The following DLG2 variants were observed in gnomAD, a reference collection of about 807,000 sequenced individuals.
DLG2 encodes the protein disks large homolog 2.
A neutral mutation model predicts 132.5 loss-of-function variants in DLG2; 45 were observed. That is an observed-to-expected ratio of 0.34 (90% CI 0.27 to 0.44). The LOEUF (loss-of-function observed/expected upper bound fraction) is 0.44. DLG2 is among the 20% of genes least tolerant of loss of function. DLG2 has a pLI of 1.00. For synonymous variants in DLG2, 424 were observed against 419.6 expected, an observed-to-expected ratio of 1.01 and a Z score of -0.13; for missense variants, 1,045 against 1,196.9, an observed-to-expected ratio of 0.87 and a Z score of 1.87.
At chr11:85,087,563 G>A (rs2068097035) in intron 6 of DLG2, among the ~76,000 whole-genome samples, 1 of 152,204 alleles carries the variant, frequency 6.6e-6, no homozygotes, top group South Asian at 2.1e-4. Context: ...CATGGGCCGG[G>A]CGCGGTGGCT....
chr11:84,161,910 T>C (rs2095555563), intron 9 of DLG2, among the ~76,000 whole-genome samples: 1 of 152,154 alleles, frequency 6.6e-6, no homozygotes, highest in South Asian at 2.1e-4. Context: ...TAGCATACCA[T>C]TAAAATTTTA....
intron 6 of DLG2, among the ~76,000 whole-genome samples, chr11:84,838,742 C>T (rs2080170831): frequency 6.6e-6 from 1 of 152,034 alleles, no homozygotes; most frequent in African/African-American, 2.4e-5. Context: ...AGACAAAAAT[C>T]ACATGATTAT....
At chr11:84,502,768 G>C (rs2099224882) in intron 7 of DLG2, among the ~76,000 whole-genome samples, 1 of 152,038 alleles carries the variant, frequency 6.6e-6, no homozygotes, top group African/African-American at 2.4e-5. Flanking sequence ...TAGGTCTACA[G>C]ATTATCCAGC....
At chr11:83,589,169 A>T (rs1243864623) in intron 19 of DLG2, among the ~76,000 whole-genome samples, 1 of 151,344 alleles carries the variant, frequency 6.6e-6, no homozygotes, top group East Asian at 1.9e-4. Context: ...GAGAAGAGCA[A>T]CTCCAAGACA....
At chr11:85,028,383 T>C (rs930473666) in intron 6 of DLG2, among the ~76,000 whole-genome samples, 2 of 152,108 alleles carry the variant, frequency 1.3e-5, no homozygotes, top group African/African-American at 4.8e-5. Context: ...CTGGCCCCCA[T>C]GCTTCAGGCC....
chr11:84,328,158 T>G (rs2098441849), intron 7 of DLG2, among the ~76,000 whole-genome samples: 1 of 152,034 alleles, frequency 6.6e-6, no homozygotes, highest in Non-Finnish European at 1.5e-5. Flanking sequence ...CACTGCACTG[T>G]TTTATGAGGG....
At chr11:83,897,878 A>T (rs1019850289) in intron 15 of DLG2, among the ~76,000 whole-genome samples, 2 of 152,204 alleles carry the variant, frequency 1.3e-5, no homozygotes, top group African/African-American at 4.8e-5. Flanking sequence ...TGCTTTATAC[A>T]CATTATCTTA....
intron 19 of DLG2, among the ~76,000 whole-genome samples, chr11:83,601,698 C>CT (rs112574269): frequency 0.019 from 2,719 of 144,008 alleles, 70 homozygotes; most frequent in African/African-American, 0.062. Context: ...ATATTTCTTT[C>CT]TTTTTTTTTT....
At chr11:85,489,465 A>C (rs2093507444) in intron 3 of DLG2, among the ~76,000 whole-genome samples, 1 of 152,148 alleles carries the variant, frequency 6.6e-6, no homozygotes, top group Non-Finnish European at 1.5e-5. Context: ...AATAGTGGGG[A>C]CTTCAACACC....
chr11:84,680,777 C>G (rs778634416), intron 6 of DLG2, among the ~76,000 whole-genome samples: 8 of 152,164 alleles, frequency 5.3e-5, no homozygotes, highest in Non-Finnish European at 1.0e-4. Flanking sequence ...AATGTTAACA[C>G]TGTCTTTGCA....
intron 6 of DLG2, among the ~76,000 whole-genome samples, chr11:84,897,129 T>C (rs959600816): frequency 1.6e-5 from 2 of 128,118 alleles, no homozygotes; most frequent in African/African-American, 6.9e-5. Flanking sequence ...TTTGCTTTTC[T>C]TGTACTAGTT....
chr11:84,622,042 G>C (rs949131074), intron 6 of DLG2, among the ~76,000 whole-genome samples: 2 of 152,078 alleles, frequency 1.3e-5, no homozygotes, highest in Non-Finnish European at 2.9e-5. Flanking sequence ...GTTGCGGACC[G>C]CACTTTCCCA....
At chr11:83,766,034 A>G (rs2094127346) in intron 18 of DLG2, among the ~76,000 whole-genome samples, 1 of 151,324 alleles carries the variant, frequency 6.6e-6, no homozygotes, top group African/African-American at 2.4e-5. Context: ...TGCTATTATC[A>G]TATTTTCTTC....
At chr11:85,387,789 G>C (rs2086467043) in intron 3 of DLG2, among the ~76,000 whole-genome samples, 1 of 152,120 alleles carries the variant, frequency 6.6e-6, no homozygotes, top group African/African-American at 2.4e-5. Flanking sequence ...ATCTTTAAAA[G>C]TGGAAAATCT....
intron 3 of DLG2, among the ~76,000 whole-genome samples, chr11:85,308,689 T>C (rs941140950): frequency 4.6e-5 from 7 of 152,152 alleles, no homozygotes; most frequent in African/African-American, 1.4e-4. Flanking sequence ...TAAATTATCT[T>C]CAATTAAACT....
intron 21 of DLG2, among the ~76,000 whole-genome samples, chr11:83,511,045 C>A (rs1360453784): frequency 2.3e-5 from 2 of 87,338 alleles, no homozygotes; most frequent in African/African-American, 9.9e-5. Context: ...AAAAAAAAAA[C>A]CCTCTCTGTC....
intron 6 of DLG2, among the ~76,000 whole-genome samples, chr11:84,756,615 G>A (rs896982524): frequency 2.6e-5 from 4 of 152,140 alleles, no homozygotes; most frequent in African/African-American, 9.7e-5. Context: ...ATTATGTGTA[G>A]ATTCTAGTAT....
chr11:84,927,428 G>A lies in DLG2; in HGVS notation c.357+184233C>T, dbSNP rs527275668. ...ATTAAGTCAGAATTTCTGAGGGTGG[G>A]AATCAGGAATCAGTATTCTATAGAG... On this transcript the variant is annotated intron_variant, in intron 6 of 27. Transcript: ENST00000376104. 5.8e-4 allele frequency among the ~76,000 whole-genome samples: 88 copies of A among 152,062 alleles called. 1 individual carries two copies. The highest frequency in any genetic ancestry group is 1.2e-3 in the South Asian group (6 of 4,822).
rs550757171 is a variant in DLG2, at chr11:85,239,569, A to G, written c.186+45651T>C. Among the ~76,000 whole-genome samples the G allele has an allele frequency of 1.5e-3, 232 of 152,134 alleles. 3 individuals are homozygous for G. Among genetic ancestry groups the G allele is most frequent in the Middle Eastern group, 6.8e-3 (2 of 294 alleles). Reference sequence around the variant, plus strand: ...CATTTATTTTTTAAAATGTGCATATAAGTGGACTCATGCAGTGCCACCTGT... The same window carrying G: ...CATTTATTTTTTAAAATGTGCATATGAGTGGACTCATGCAGTGCCACCTGT... On this transcript the variant is annotated intron_variant, in intron 4 of 27. Coordinates refer to ENST00000376104, the MANE Select transcript of DLG2 (RefSeq NM_001142699.3).
Sources: gnomAD v4.1 joint callset for allele counts (sites outside exome capture counted in the v4.1 genomes callset) on GRCh38, gnomAD v4.1.1 for gene constraint, MANE v1.5 for transcripts, NCBI Gene and HGNC (gene_info 2026-07-23, HGNC 2026-07-21) for gene names.